Variants in STARD13 observed in about 807,000 individuals in gnomAD.
The protein encoded by STARD13 is StAR related lipid transfer domain containing 13, also known as stAR-related lipid transfer protein 13.
In STARD13, 62 loss-of-function variants were observed where a neutral mutation model predicts 106.4. That is an observed-to-expected ratio of 0.58 (90% CI 0.48 to 0.72). STARD13 has a LOEUF of 0.72. Ranked by LOEUF, STARD13 falls within the 30% of genes least tolerant of loss-of-function variation. The pLI, the probability that STARD13 is intolerant of heterozygous loss-of-function variation, is 0.00. For synonymous variants in STARD13, 565 were observed against 553.0 expected (o/e 1.02, Z -0.31); for missense variants, 1,387 against 1,424.0 (o/e 0.97, Z 0.42).
intron 1 of STARD13, among the ~76,000 whole-genome samples, chr13:33,307,997 T>C (rs1357607818): frequency 1.3e-5 from 2 of 152,198 alleles, no homozygotes; most frequent in South Asian, 2.1e-4. Flanking sequence ...CAGAATTCCA[T>C]TGTTTCATTC....
At chr13:33,580,006 T>C in the STARD13 span, among the ~76,000 whole-genome samples, 2 of 152,102 alleles carry the variant, frequency 1.3e-5, no homozygotes, top group Non-Finnish European at 2.9e-5. Context: ...GTCTGACAAT[T>C]TCTCACATAA....
In STARD13 at chr13:33,204,541, G is replaced by A. The variant is rs557643943; in HGVS notation, c.170-36919C>T. ...TTATGAGACGCGTGGAAAGAACCCC[G>A]TAGAAACCATATGGTTGTCAGTAAC... On this transcript the variant is annotated intron_variant, in intron 1 of 13. Transcript: ENST00000336934. Among the ~76,000 whole-genome samples, 16 of 152,268 alleles carry A rather than the reference G, an allele frequency of 1.1e-4. No homozygotes were observed. The South Asian group carries it at 2.1e-3, about 20-fold the overall frequency.
At chr13:33,241,356 G>C (rs552481059) in intron 1 of STARD13, among the ~76,000 whole-genome samples, 126 of 152,174 alleles carry the variant, frequency 8.3e-4, no homozygotes, top group African/African-American at 2.9e-3. Context: ...CAACACAATA[G>C]AATAAAACCG....
chr13:33,620,252 C>A, the STARD13 span, among the ~76,000 whole-genome samples: 2 of 151,540 alleles, frequency 1.3e-5, no homozygotes, highest in African/African-American at 4.8e-5. Flanking sequence ...ACAGTATACC[C>A]AACAATGCAG....
intron 1 of STARD13, among the ~76,000 whole-genome samples, chr13:33,335,897 C>G (rs1459635358): frequency 6.6e-6 from 1 of 152,186 alleles, no homozygotes; most frequent in Non-Finnish European, 1.5e-5. Flanking sequence ...CGAACATACA[C>G]GGAGTCCTTA....
intron 3 of STARD13, among the ~76,000 whole-genome samples, chr13:33,152,705 A>C (rs908039710): frequency 1.3e-5 from 2 of 152,136 alleles, no homozygotes; most frequent in African/African-American, 4.8e-5. Flanking sequence ...TTCTCTGCCT[A>C]ATAAAAAAAA....
the STARD13 span, among the ~76,000 whole-genome samples, chr13:33,624,076 A>G: frequency 6.6e-6 from 1 of 152,246 alleles, no homozygotes; most frequent in Non-Finnish European, 1.5e-5. Flanking sequence ...AAACTAACAT[A>G]CATACTACAC....
At chr13:33,212,015 T>C (rs1481092757) in intron 1 of STARD13, among the ~76,000 whole-genome samples, 1 of 152,198 alleles carries the variant, frequency 6.6e-6, no homozygotes, top group Non-Finnish European at 1.5e-5. Context: ...TTGGACAATA[T>C]GTCTTGGAGA....
At chr13:33,617,672 G>A in the STARD13 span, among the ~76,000 whole-genome samples, 1 of 152,134 alleles carries the variant, frequency 6.6e-6, no homozygotes, top group Admixed American at 6.6e-5. Context: ...AGTAGTAACA[G>A]CAGGTGGTAG....
chr13:33,185,784 C>T lies in STARD13; in HGVS notation c.170-18162G>A, dbSNP rs531023132. ...CTTTCCGCCATGTCCTTCCAGACCA[C>T]CTGACCACTGCCACTGAGGCCATGC... On this transcript the variant is annotated intron_variant, in intron 1 of 13. Transcript: ENST00000336934. The T allele has an allele frequency of 1.0e-5, 13 of 1,270,830 alleles. No homozygotes were observed. In the South Asian group the frequency reaches 1.4e-4, roughly 14 times the overall value. The allele number at this position is 1,270,830 out of a possible 1,614,324, so 78.7% of individuals were successfully genotyped here. A position where few individuals can be genotyped will look rare whatever the true frequency, so the allele number is the denominator to read the frequency against.
At chr13:33,234,077 T>C (rs576530376) in intron 1 of STARD13, among the ~76,000 whole-genome samples, 60 of 152,292 alleles carry the variant, frequency 3.9e-4, no homozygotes, top group Admixed American at 7.2e-4. Flanking sequence ...TCTGTGTACA[T>C]ATGTGGCTTA....
the STARD13 span, among the ~76,000 whole-genome samples, chr13:33,499,761 CTTTTTTTTTTTT>C: frequency 1.1e-5 from 1 of 94,578 alleles, no homozygotes; most frequent in African/African-American, 4.7e-5. Context: ...CTTCTTCTTT[CTTTTTTTTTTTT>C]TTTTTTTTAG....
the STARD13 span, among the ~76,000 whole-genome samples, chr13:33,526,267 G>GT: frequency 6.6e-6 from 1 of 151,508 alleles, no homozygotes; most frequent in Admixed American, 6.6e-5. Context: ...GTTAGCTGGT[G>GT]TTTTCTTTGG....
the STARD13 span, among the ~76,000 whole-genome samples, chr13:33,527,118 T>C: frequency 6.6e-6 from 1 of 152,262 alleles, no homozygotes; most frequent in East Asian, 1.9e-4. Context: ...AAATACATAG[T>C]TTTAAGGGTT....
the STARD13 span, among the ~76,000 whole-genome samples, chr13:33,438,512 T>C: frequency 1.3e-5 from 2 of 152,246 alleles, no homozygotes; most frequent in African/African-American, 2.4e-5. Context: ...AAAGTGGTCA[T>C]GGACAAAAAT....
At chr13:33,288,570 T>C (rs1256679298), upstream of STARD13, among the ~76,000 whole-genome samples, 1 of 151,688 alleles carries the variant, frequency 6.6e-6, no homozygotes, top group Non-Finnish European at 1.5e-5. Flanking sequence ...CAATCACACT[T>C]GGCCCTACAT....
chr13:33,281,027 A>G (rs1194031269), intron 1 of STARD13: 2 of 152,180 alleles, frequency 1.3e-5, no homozygotes, highest in Non-Finnish European at 2.9e-5. Context: ...TTGCCTTTTT[A>G]GGTTCTAGTA....
chr13:33,302,953 T>G (rs1447044366), intron 1 of STARD13, among the ~76,000 whole-genome samples: 1 of 152,224 alleles, frequency 6.6e-6, no homozygotes, highest in African/African-American at 2.4e-5. Context: ...AGTCTGGCAT[T>G]AAAGGCCCAT....
chr13:33,430,370 C>G, the STARD13 span, among the ~76,000 whole-genome samples: 7 of 152,144 alleles, frequency 4.6e-5, no homozygotes, highest in Non-Finnish European at 1.0e-4. Context: ...TATACACATA[C>G]TATGTACCCA....
Sources: allele counts gnomAD v4.1 joint callset (sites outside exome capture counted in the v4.1 genomes callset), GRCh38; gene constraint gnomAD v4.1.1; transcripts MANE v1.5; gene names NCBI Gene and HGNC (gene_info 2026-07-23, HGNC 2026-07-21).